Variants in AIG1 observed in about 807,000 individuals in gnomAD.
AIG1 encodes the protein androgen-induced gene 1 protein.
AIG1 carries 23 observed loss-of-function variants against 31.4 expected under a neutral mutation model. The ratio of observed to expected loss-of-function variants is 0.73; its 90% CI spans 0.53 to 1.04. The LOEUF is 1.04. Among genes scored for constraint, AIG1 ranks in the 50% least tolerant of loss-of-function variants. AIG1 has a pLI of 0.00. For missense variants in AIG1, 274 were observed against 295.0 expected (o/e 0.93, Z 0.52); for synonymous variants, 100 against 110.5 (o/e 0.90, Z 0.60).
intron 3 of AIG1, among the ~76,000 whole-genome samples, chr6:143,220,604 C>A (rs1306219475): frequency 2.6e-5 from 4 of 152,188 alleles, no homozygotes; most frequent in Non-Finnish European, 5.9e-5. Context: ...CAAATCTTGA[C>A]TCTGCTATTT....
intron 3 of AIG1, among the ~76,000 whole-genome samples, chr6:143,264,475 G>A (rs117888609): frequency 3.0e-4 from 46 of 152,310 alleles, no homozygotes; most frequent in Admixed American, 3.9e-4. Context: ...GGCAGGGCAC[G>A]GGTGCCTGGC....
chr6:143,178,497 A>G (rs947578400), intron 3 of AIG1, among the ~76,000 whole-genome samples: 1 of 152,154 alleles, frequency 6.6e-6, no homozygotes, highest in East Asian at 1.9e-4. Flanking sequence ...TATTAGGACT[A>G]CAGGCATCCA....
At chr6:143,241,329 T>C (rs76289897) in intron 3 of AIG1, among the ~76,000 whole-genome samples, 3,516 of 152,308 alleles carry the variant, frequency 0.023, 106 homozygotes, top group African/African-American at 0.079. Flanking sequence ...TGAACCATTT[T>C]AGACTTGCGT....
Position 143,256,780 on chromosome 6 carries a change from G to GA in AIG1, c.400-27324dup, listed in dbSNP as rs1795403421. Among the ~76,000 whole-genome samples the GA allele has an allele frequency of 6.6e-6, 1 of 152,036 alleles. No homozygotes were observed. The highest frequency in any genetic ancestry group is 6.5e-5 in the Admixed American group (1 of 15,270). ...CTCTCTAGATTTTGACACATTAGAAGAAAAAATAAAGTTATATTATTTTAA... is the reference window on the plus strand; with the variant it reads ...CTCTCTAGATTTTGACACATTAGAAGAAAAAAATAAAGTTATATTATTTTAA... On this transcript the variant is annotated intron_variant, in intron 3 of 5. Coordinates refer to ENST00000357847, the MANE Select transcript of AIG1 (RefSeq NM_016108.4). The surrounding 1 kb of genome is among the most constrained non-coding windows in gnomAD (Gnocchi z 4.6).
intron 3 of AIG1, among the ~76,000 whole-genome samples, chr6:143,205,454 CTTCTAAT>C (rs1016830219): frequency 5.9e-5 from 9 of 152,292 alleles, no homozygotes; most frequent in African/African-American, 2.2e-4. Flanking sequence ...TCTTTAGAAG[CTTCTAAT>C]TCATTTTAAA....
chr6:143,090,314 C>T (rs1316201795), intron 1 of AIG1, among the ~76,000 whole-genome samples: 2 of 152,156 alleles, frequency 1.3e-5, no homozygotes, highest in East Asian at 3.9e-4. Context: ...TCTATCCATC[C>T]ATCCATCCAT....
At chr6:143,278,622 C>G (rs1244394110) in intron 3 of AIG1, among the ~76,000 whole-genome samples, 2 of 151,990 alleles carry the variant, frequency 1.3e-5, no homozygotes, top group Non-Finnish European at 2.9e-5. Flanking sequence ...GCGCCTGCCA[C>G]CAAGCCTGGC....
At chr6:143,153,569 G>A (rs918662537) in intron 2 of AIG1, among the ~76,000 whole-genome samples, 1 of 152,066 alleles carries the variant, frequency 6.6e-6, no homozygotes, top group Admixed American at 6.5e-5. Flanking sequence ...GGCTGGTCTC[G>A]AACTCCGTAC....
At chr6:143,302,266 A>G (rs1032932665) in intron 4 of AIG1, among the ~76,000 whole-genome samples, 1 of 150,912 alleles carries the variant, frequency 6.6e-6, no homozygotes, top group Non-Finnish European at 1.5e-5. Context: ...GTACATGTGC[A>G]CAATATGCAG....
intron 3 of AIG1, among the ~76,000 whole-genome samples, chr6:143,218,872 C>T (rs952178526): frequency 1.1e-4 from 17 of 152,158 alleles, no homozygotes; most frequent in Non-Finnish European, 1.5e-4. Context: ...CCTCAGGTAA[C>T]GCAGAGCAAT....
intron 2 of AIG1, among the ~76,000 whole-genome samples, chr6:143,155,486 T>C (rs1785654622): frequency 6.6e-6 from 1 of 151,880 alleles, no homozygotes; most frequent in Non-Finnish European, 1.5e-5. Flanking sequence ...GATGGGGACC[T>C]GGAGGGTGAA....
chr6:143,269,628 A>T (rs1018818727), intron 3 of AIG1, among the ~76,000 whole-genome samples: 1 of 152,268 alleles, frequency 6.6e-6, no homozygotes, highest in Non-Finnish European at 1.5e-5. Context: ...ACAATGGAGT[A>T]CTATGCAGCA....
Position 143,061,024 on chromosome 6 carries a change from G to C in AIG1, c.99G>C (p.Gln33His). The change falls in exon 1 of 6, where the codon CAG (glutamine) becomes CAC (histidine). Residue 33 changes from glutamine (Q) to histidine (H), a missense_variant. Transcript: ENST00000357847. Reference protein sequence around the residue: ...NYKAIEMPSHQTYGGSWKFLT... With the variant: ...NYKAIEMPSHHTYGGSWKFLT... ...AGGCCATCGAAATGCCCTCACACCA[G>C]ACCTACGGAGGGAGCTGGAAATTCC... The C allele has an allele frequency of 6.2e-7, 1 of 1,613,478 alleles. No homozygotes were observed. The highest frequency in any genetic ancestry group is 8.5e-7 in the Non-Finnish European group (1 of 1,179,766).
Position 143,293,556 on chromosome 6 carries a change from G to T in AIG1, c.515+9331G>T, listed in dbSNP as rs1222276779. ...GGTGCCTGAGAATGTCCACTTGGGT[G>T]TTGGTCAAATCAGCTTCTTAGACCT... On this transcript the variant is annotated intron_variant, in intron 4 of 5. Coordinates refer to ENST00000357847, the MANE Select transcript of AIG1 (RefSeq NM_016108.4). The surrounding 1 kb of genome is among the most constrained non-coding windows in gnomAD (Gnocchi z 4.8). Among the ~76,000 whole-genome samples, 1 of 152,188 alleles carries T rather than the reference G, an allele frequency of 6.6e-6. No homozygotes were observed. Among genetic ancestry groups the T allele is most frequent in the East Asian group, 1.9e-4 (1 of 5,192 alleles).
chr6:143,133,657 G>A (rs1199650886), intron 1 of AIG1, among the ~76,000 whole-genome samples: 1 of 152,046 alleles, frequency 6.6e-6, no homozygotes, highest in Non-Finnish European at 1.5e-5. Context: ...TATCTGAAAA[G>A]CCTGGTTCAT....
At chr6:143,114,113 A>C (rs1250477060) in intron 1 of AIG1, among the ~76,000 whole-genome samples, 1 of 152,320 alleles carries the variant, frequency 6.6e-6, no homozygotes, top group Non-Finnish European at 1.5e-5. Flanking sequence ...CAGAATTTCA[A>C]ACCTAACAAA....
At chr6:143,273,360 G>A (rs187413120) in intron 3 of AIG1, among the ~76,000 whole-genome samples, 2 of 152,168 alleles carry the variant, frequency 1.3e-5, no homozygotes, top group Admixed American at 1.3e-4. Flanking sequence ...TTCTATAGTT[G>A]CTCCCCAAAC....
intron 2 of AIG1, among the ~76,000 whole-genome samples, chr6:143,156,174 G>T (rs896101374): frequency 6.6e-6 from 1 of 152,148 alleles, no homozygotes; most frequent in Non-Finnish European, 1.5e-5. Flanking sequence ...TCCCTCTGAG[G>T]TCTCTTGTAG....
rs955413236 is a variant in AIG1, at chr6:143,331,143, GT to G, written c.516-2129del. ...TCTACCAAGGAACCTTTGTAGACCT[GT>G]TTTTTTTTTCCTAATTTCCACCACA... On this transcript the variant is annotated intron_variant, in intron 4 of 5. Transcript: ENST00000357847. The surrounding 1 kb of genome is among the most constrained non-coding windows in gnomAD (Gnocchi z 4.1). Among the ~76,000 whole-genome samples the G allele has an allele frequency of 5.0e-4, 74 of 147,212 alleles. No individual in the cohort carries two copies. In the East Asian group the frequency reaches 5.9e-3, roughly 12 times the overall value.
Sources: allele counts gnomAD v4.1 joint callset (sites outside exome capture counted in the v4.1 genomes callset), GRCh38; gene constraint gnomAD v4.1.1; non-coding constraint Gnocchi (gnomAD v3.1); transcripts MANE v1.5; gene names NCBI Gene and HGNC (gene_info 2026-07-23, HGNC 2026-07-21).